The following RABGAP1L variants were observed in gnomAD, a reference collection of about 807,000 sequenced individuals.
The protein encoded by RABGAP1L is rab GTPase-activating protein 1-like.
Under a neutral mutation model 137.7 loss-of-function variants are expected in RABGAP1L, and 63 were observed. That is an observed-to-expected ratio of 0.46 (90% CI 0.37 to 0.56). RABGAP1L has a LOEUF of 0.56. Ranked by LOEUF, RABGAP1L falls within the 20% of genes least tolerant of loss-of-function variation. The probability of loss-of-function intolerance (pLI) is 0.00; values close to 1 mark genes in which losing one functional copy is unlikely to be tolerated. For synonymous variants in RABGAP1L, 431 were observed against 433.7 expected, an observed-to-expected ratio of 0.99 and a Z score of 0.08; for missense variants, 1,095 against 1,244.0, an observed-to-expected ratio of 0.88 and a Z score of 1.80.
intron 19 of RABGAP1L, among the ~76,000 whole-genome samples, chr1:174,842,879 T>A (rs550699374): frequency 6.6e-6 from 1 of 152,292 alleles, no homozygotes; most frequent in Admixed American, 6.5e-5. Context: ...ATTCTTTAAA[T>A]TTTTCTATTT....
At chr1:174,386,260 A>T (rs187763865) in intron 12 of RABGAP1L, among the ~76,000 whole-genome samples, 3 of 152,288 alleles carry the variant, frequency 2.0e-5, no homozygotes, top group Non-Finnish European at 4.4e-5. Flanking sequence ...CAGCTCTCTG[A>T]GGTAGGTATT....
At chr1:174,398,635 C>T (rs1397884844) in intron 13 of RABGAP1L, among the ~76,000 whole-genome samples, 2 of 152,130 alleles carry the variant, frequency 1.3e-5, no homozygotes, top group South Asian at 2.1e-4. Context: ...TTCTTAAGCA[C>T]CAAACAACAA....
Position 174,448,730 on chromosome 1 carries a change from A to T in RABGAP1L, c.1710+54585A>T. 2 of 1,613,680 alleles carry T rather than the reference A, an allele frequency of 1.2e-6. No individual in the cohort carries two copies. Among genetic ancestry groups the T allele is most frequent in the Non-Finnish European group, 1.7e-6 (2 of 1,179,824 alleles). On this transcript the variant is annotated intron_variant, in intron 13 of 25. Transcript: ENST00000681986. The surrounding 1 kb of genome is among the most constrained non-coding windows in gnomAD (Gnocchi z 4.2). ...CACCAGTGCCTATTTTACTGGCTTT[A>T]TTGTTTGTTTACTTTATGCTCCTGC...
chr1:174,636,925 G>A (rs1674095205), intron 13 of RABGAP1L, among the ~76,000 whole-genome samples: 1 of 152,026 alleles, frequency 6.6e-6, no homozygotes, highest in Non-Finnish European at 1.5e-5. Flanking sequence ...CAAAGAAGAT[G>A]GTCATTAATA....
intron 13 of RABGAP1L, among the ~76,000 whole-genome samples, chr1:174,618,393 A>T (rs1672110295): frequency 6.6e-6 from 1 of 152,212 alleles, no homozygotes; most frequent in African/African-American, 2.4e-5. Context: ...GGCACCCTGC[A>T]GTAGGGGCAG....
At chr1:174,967,929 C>CAAAA (rs200800559) in intron 20 of RABGAP1L, among the ~76,000 whole-genome samples, 2 of 134,666 alleles carry the variant, frequency 1.5e-5, no homozygotes, top group African/African-American at 5.3e-5. Context: ...TATTTTTTTC[C>CAAAA]AAAAAAAAAA....
At chr1:174,205,265 T>C (rs1668426025) in intron 1 of RABGAP1L, among the ~76,000 whole-genome samples, 1 of 152,150 alleles carries the variant, frequency 6.6e-6, no homozygotes, top group Non-Finnish European at 1.5e-5. Context: ...CAGTTTTCTT[T>C]TATTGTTGTG....
intron 1 of RABGAP1L, among the ~76,000 whole-genome samples, chr1:174,180,604 G>A (rs1283195503): frequency 6.6e-6 from 1 of 151,980 alleles, no homozygotes; most frequent in African/African-American, 2.4e-5. Context: ...GGCTGGGACT[G>A]AAGGCATATG....
intron 17 of RABGAP1L, among the ~76,000 whole-genome samples, chr1:174,728,966 A>G (rs1682233785): frequency 6.6e-6 from 1 of 152,106 alleles, no homozygotes; most frequent in African/African-American, 2.4e-5. Flanking sequence ...GACAGAACTA[A>G]ATAAAACTAT....
rs1364172259 is a variant in RABGAP1L, at chr1:174,231,153, A to G, written c.340A>G (p.Thr114Ala). Reference protein sequence around the residue: ...ILDPSNTEISTPRPSSPGGLP... With the variant: ...ILDPSNTEISAPRPSSPGGLP... The stretch of plus-strand genomic sequence containing the variant: ...TTTTTTTGTTTCTTCAGAAATTTCT[A>G]CACCCAGACCATCTTCTCCAGGTGG... The change falls in exon 4 of 26, where the codon ACA (threonine) becomes GCA (alanine). Residue 114 changes from threonine (T) to alanine (A), a missense_variant. Thr to Ala is a moderately conservative substitution (Grantham distance 58). Coordinates refer to ENST00000681986, the MANE Select transcript of RABGAP1L (RefSeq NM_001366446.1). 1 of 1,606,736 alleles carries G rather than the reference A, an allele frequency of 6.2e-7. No individual in the cohort carries two copies. Among genetic ancestry groups the G allele is most frequent in the Non-Finnish European group, 8.5e-7 (1 of 1,175,212 alleles).
At chr1:174,650,734 T>C (rs924503579) in intron 14 of RABGAP1L, among the ~76,000 whole-genome samples, 1 of 150,656 alleles carries the variant, frequency 6.6e-6, no homozygotes, top group African/African-American at 2.5e-5. Flanking sequence ...TTTTCTTCTT[T>C]ATTAGTCTTG....
chr1:174,505,114 A>G (rs969375194), intron 13 of RABGAP1L, among the ~76,000 whole-genome samples: 2 of 152,232 alleles, frequency 1.3e-5, no homozygotes, highest in Non-Finnish European at 2.9e-5. Flanking sequence ...AAAAATGTTC[A>G]GTGCTATAAG....
intron 1 of RABGAP1L, among the ~76,000 whole-genome samples, chr1:174,210,734 G>A (rs1668825584): frequency 6.6e-6 from 1 of 152,094 alleles, no homozygotes; most frequent in African/African-American, 2.4e-5. Flanking sequence ...CAATATCCAA[G>A]TACAAGAAGG....
intron 18 of RABGAP1L, among the ~76,000 whole-genome samples, chr1:174,760,524 C>T (rs1685135017): frequency 6.6e-6 from 1 of 152,220 alleles, no homozygotes; most frequent in African/African-American, 2.4e-5. Context: ...CTTATGGATG[C>T]ATAGTATTCT....
chr1:174,898,854 G>A (rs1043904416), intron 19 of RABGAP1L, among the ~76,000 whole-genome samples: 1 of 152,178 alleles, frequency 6.6e-6, no homozygotes, highest in South Asian at 2.1e-4. Context: ...GACTAAAAGA[G>A]CAAAGCAAAT....
chr1:174,768,572 G>A (rs2148722180), intron 18 of RABGAP1L, among the ~76,000 whole-genome samples: 1 of 152,288 alleles, frequency 6.6e-6, no homozygotes, highest in African/African-American at 2.4e-5. Context: ...CCCCACCCCA[G>A]GGCTAGCAGG....
chr1:174,580,704 G>T (rs766191744), intron 13 of RABGAP1L, among the ~76,000 whole-genome samples: 3 of 151,980 alleles, frequency 2.0e-5, no homozygotes, highest in East Asian at 1.9e-4. Flanking sequence ...TGGGTGCAGC[G>T]CACCAACATG....
chr1:174,978,923 A>G (rs1670866986), intron 23 of RABGAP1L, 33 bp downstream of exon 23: 6 of 1,466,246 alleles, frequency 4.1e-6, no homozygotes, highest in Non-Finnish European at 4.5e-6. Flanking sequence ...AGAGCTAGTT[A>G]TAGTTTGCTG....
chr1:174,498,552 T>C (rs536489547), intron 13 of RABGAP1L, among the ~76,000 whole-genome samples: 1 of 152,176 alleles, frequency 6.6e-6, no homozygotes, highest in South Asian at 2.1e-4. Flanking sequence ...TGGAGTGCAG[T>C]GGTATGCGAT....
Sources: gnomAD v4.1 joint callset for allele counts (sites outside exome capture counted in the v4.1 genomes callset) on GRCh38, gnomAD v4.1.1 for gene constraint, Gnocchi (gnomAD v3.1) non-coding constraint, MANE v1.5 for transcripts, NCBI Gene and HGNC (gene_info 2026-07-23, HGNC 2026-07-21) for gene names.